The following TMEM120B variants were observed in gnomAD, a reference collection of about 807,000 sequenced individuals.
TMEM120B encodes the protein transmembrane protein 120B.
Under a neutral mutation model 55.5 loss-of-function variants are expected in TMEM120B, and 31 were observed. The ratio of observed to expected loss-of-function variants is 0.56; its 90% CI spans 0.42 to 0.75. The LOEUF (loss-of-function observed/expected upper bound fraction) is 0.75, where lower values mean the gene tolerates loss of function less well. Ranked by LOEUF, TMEM120B falls within the 30% of genes least tolerant of loss-of-function variation. The pLI, the probability that TMEM120B is intolerant of heterozygous loss-of-function variation, is 0.00. For missense variants in TMEM120B, 399 were observed against 425.5 expected, an observed-to-expected ratio of 0.94 and a Z score of 0.55; for synonymous variants, 203 against 176.3, an observed-to-expected ratio of 1.15 and a Z score of -1.20.
intron 2 of TMEM120B, 77 bp from the exon 3 acceptor site, chr12:121,748,249 G>T (rs1375088548): frequency 1.8e-6 from 2 of 1,119,386 alleles, no homozygotes; most frequent in Admixed American, 3.8e-5. Flanking sequence ...AAGGTGGGAG[G>T]CTGGGGCCCG....
intron 1 of TMEM120B, among the ~76,000 whole-genome samples, chr12:121,734,115 C>A (rs1038810829): frequency 6.6e-6 from 1 of 151,958 alleles, no homozygotes; most frequent in African/African-American, 2.4e-5. Flanking sequence ...GCCTGATGCT[C>A]GTGGATTCTG....
chr12:121,727,536 C>CA (rs758470408), intron 1 of TMEM120B, among the ~76,000 whole-genome samples: 370 of 35,438 alleles, frequency 0.01, 1 homozygote, highest in Middle Eastern at 0.026. Flanking sequence ...GACCCTGTCT[C>CA]AAAAAAAAAA....
At chr12:121,766,078 G>A (rs1395151441) in intron 6 of TMEM120B, among the ~76,000 whole-genome samples, 5 of 152,130 alleles carry the variant, frequency 3.3e-5, no homozygotes, top group South Asian at 2.1e-4. Flanking sequence ...TAGAGACGGC[G>A]TCGCTGAACC....
chr12:121,781,493 G>T lies in TMEM120B; in HGVS notation c.*5771G>T. The T allele has an allele frequency of 2.9e-6, 1 of 340,618 alleles. No individual in the cohort carries two copies. Among genetic ancestry groups the T allele is most frequent in the Non-Finnish European group, 5.6e-6 (1 of 178,638 alleles). The allele number at this position is 340,618 out of a possible 1,614,324, so 21.1% of individuals were successfully genotyped here. ...CTCTTAACAACAAAACCCATGAGCGGCAGCCCCCCAGTCCTGGATGGTGGT... is the reference window on the plus strand; with the variant it reads ...CTCTTAACAACAAAACCCATGAGCGTCAGCCCCCCAGTCCTGGATGGTGGT... On this transcript the variant is annotated 3_prime_UTR_variant, in exon 12 of 12. Coordinates refer to ENST00000449592, the MANE Select transcript of TMEM120B (RefSeq NM_001080825.2).
chr12:121,748,954 C>T (rs1873188141), intron 3 of TMEM120B, among the ~76,000 whole-genome samples: 1 of 152,194 alleles, frequency 6.6e-6, no homozygotes, highest in Non-Finnish European at 1.5e-5. Flanking sequence ...CAGAGAAGTC[C>T]CCGTTCCCTC....
chr12:121,751,450 C>G (rs895649769), intron 4 of TMEM120B, among the ~76,000 whole-genome samples: 1 of 147,096 alleles, frequency 6.8e-6, no homozygotes, highest in Non-Finnish European at 1.5e-5. Context: ...CCCCGTCTCA[C>G]GCTTTTCACC....
intron 1 of TMEM120B, among the ~76,000 whole-genome samples, chr12:121,718,073 C>G (rs1480463373): frequency 6.6e-6 from 1 of 152,216 alleles, no homozygotes; most frequent in Non-Finnish European, 1.5e-5. Flanking sequence ...TGAGCCACCT[C>G]TCTCAGGTTG....
At chr12:121,743,288 C>T (rs546409246) in intron 1 of TMEM120B, among the ~76,000 whole-genome samples, 169 of 151,952 alleles carry the variant, frequency 1.1e-3, no homozygotes, top group Non-Finnish European at 1.9e-3. Flanking sequence ...TGGTGAGTCA[C>T]GCCTGTAATC....
intron 1 of TMEM120B, among the ~76,000 whole-genome samples, chr12:121,731,101 C>T (rs1015280945): frequency 6.6e-5 from 10 of 152,024 alleles, no homozygotes; most frequent in Non-Finnish European, 1.3e-4. Context: ...TTGATGGGTT[C>T]ATAGTTTCTG....
At chr12:121,771,074 C>T (rs1874031689) in intron 7 of TMEM120B, 102 bp downstream of exon 7, 2 of 1,292,792 alleles carry the variant, frequency 1.5e-6, no homozygotes, top group African/African-American at 2.9e-5. Flanking sequence ...GGGGTGTGCT[C>T]CAGGGCCAAC....
chr12:121,730,065 C>T (rs1421604507), intron 1 of TMEM120B, among the ~76,000 whole-genome samples: 1 of 151,536 alleles, frequency 6.6e-6, no homozygotes, highest in Non-Finnish European at 1.5e-5. Context: ...TCGATACCAT[C>T]CTGGCCAACA....
At chr12:121,767,639 A>G (rs1483471743) in intron 6 of TMEM120B, among the ~76,000 whole-genome samples, 1 of 152,220 alleles carries the variant, frequency 6.6e-6, no homozygotes, top group Non-Finnish European at 1.5e-5. Flanking sequence ...ATTGTACGGT[A>G]TCTGAATCAC....
intron 1 of TMEM120B, among the ~76,000 whole-genome samples, chr12:121,716,572 T>TC (rs988686400): frequency 1.4e-5 from 2 of 148,074 alleles, no homozygotes; most frequent in Non-Finnish European, 3.0e-5. Flanking sequence ...TTTCTTTTTT[T>TC]TTTTTTTTGA....
chr12:121,730,073 A>G (rs1325629880), intron 1 of TMEM120B, among the ~76,000 whole-genome samples: 1 of 151,808 alleles, frequency 6.6e-6, no homozygotes, highest in Non-Finnish European at 1.5e-5. Context: ...ATCCTGGCCA[A>G]CATGGTGAAA....
chr12:121,731,830 GT>G (rs1241459994), intron 1 of TMEM120B, among the ~76,000 whole-genome samples: 1 of 152,194 alleles, frequency 6.6e-6, no homozygotes, highest in African/African-American at 2.4e-5. Context: ...ATGGTTAAAA[GT>G]TATGTATATT....
At chr12:121,739,482 T>A (rs917352400) in intron 1 of TMEM120B, among the ~76,000 whole-genome samples, 1 of 150,930 alleles carries the variant, frequency 6.6e-6, no homozygotes, top group South Asian at 2.1e-4. Context: ...TGTAACTTCT[T>A]TTTTTTTTGG....
At chr12:121,718,638 A>G (rs1247780506) in intron 1 of TMEM120B, among the ~76,000 whole-genome samples, 2 of 152,210 alleles carry the variant, frequency 1.3e-5, no homozygotes, top group Non-Finnish European at 2.9e-5. Flanking sequence ...TATAACTCAG[A>G]TACTAATACC....
chr12:121,740,408 C>T (rs1441215883), intron 1 of TMEM120B, among the ~76,000 whole-genome samples: 3 of 151,644 alleles, frequency 2.0e-5, no homozygotes, highest in African/African-American at 7.3e-5. Context: ...CGCTTGAACC[C>T]GGGGAGGTGA....
rs960364000 is a variant in TMEM120B, at chr12:121,743,748, G to A, written c.188+1G>A. On this transcript the variant is annotated splice_donor_variant, in intron 2 of 11. Coordinates refer to ENST00000449592, the MANE Select transcript of TMEM120B (RefSeq NM_001080825.2). LOFTEE classifies it high-confidence loss of function. The stretch of plus-strand genomic sequence containing the variant: ...AGGACTTGAAGCTTACACTCCAGAG[G>A]TAGGTGCAGCTGTAGCCCGGGGGCT... 6.2e-7 allele frequency: 1 copy of A among 1,609,724 alleles called. No homozygotes were observed. Among genetic ancestry groups the A allele is most frequent in the African/African-American group, 1.3e-5 (1 of 74,770 alleles).
Sources: gnomAD v4.1 joint callset for allele counts (sites outside exome capture counted in the v4.1 genomes callset) on GRCh38, gnomAD v4.1.1 for gene constraint, MANE v1.5 for transcripts, NCBI Gene and HGNC (gene_info 2026-07-23, HGNC 2026-07-21) for gene names.